Variants in SORT1 observed in about 807,000 individuals in gnomAD.
SORT1 encodes the protein sortilin 1.
A neutral mutation model predicts 101.7 loss-of-function variants in SORT1; 39 were observed. The observed-to-expected ratio is 0.38, with a 90% CI of 0.30 to 0.50. The LOEUF (loss-of-function observed/expected upper bound fraction) is 0.50. Ranked by LOEUF, SORT1 falls within the 20% of genes least tolerant of loss-of-function variation. SORT1 has a pLI of 0.90. For missense variants in SORT1, 878 were observed against 1,040.4 expected, an observed-to-expected ratio of 0.84 and a Z score of 2.15; for synonymous variants, 396 against 393.7, an observed-to-expected ratio of 1.01 and a Z score of -0.07.
In SORT1 at chr1:109,340,762, G is replaced by A. The variant is rs1399248987; in HGVS notation, c.1226C>T (p.Ser409Phe). 1 of 1,614,026 alleles carries A rather than the reference G, an allele frequency of 6.2e-7. No homozygotes were observed. The highest frequency in any genetic ancestry group is 2.2e-5 in the East Asian group (1 of 44,888). Reference sequence around the variant, plus strand: ...GCTTGTTATGTAGACGCCGCGGAGGGAGGTCACGTTGGTAAAGTCCGTCTC... The same window carrying A: ...GCTTGTTATGTAGACGCCGCGGAGGAAGGTCACGTTGGTAAAGTCCGTCTC... ...GGETDFTNVTSLRGVYITSVL... is the reference protein window; with the variant it reads ...GGETDFTNVTFLRGVYITSVL... The change falls in exon 10 of 20, where the codon TCC becomes TTC. Residue 409 changes from serine (S) to phenylalanine (F), a missense_variant. This residue lies in a region of SORT1 where 684 missense variants were observed against 894.5 expected (regional missense o/e 0.76). Transcript: ENST00000256637.
At chr1:109,366,079 G>A (rs1651070191) in intron 3 of SORT1, among the ~76,000 whole-genome samples, 1 of 152,320 alleles carries the variant, frequency 6.6e-6, no homozygotes, top group East Asian at 1.9e-4. Context: ...AGGGGAAAAT[G>A]AGACAGACAT....
At chr1:109,322,192 C>A (rs2101539582) in intron 15 of SORT1, among the ~76,000 whole-genome samples, 1 of 152,200 alleles carries the variant, frequency 6.6e-6, no homozygotes, top group Non-Finnish European at 1.5e-5. Context: ...CCCGCCTCGG[C>A]CTCCCAAAGT....
intron 3 of SORT1, among the ~76,000 whole-genome samples, chr1:109,361,199 T>C (rs77664900): frequency 1.5e-3 from 222 of 152,372 alleles, no homozygotes; most frequent in African/African-American, 5.0e-3. Flanking sequence ...GGAACCAAGC[T>C]GCAACTTCAA....
intron 11 of SORT1, among the ~76,000 whole-genome samples, chr1:109,327,930 G>T (rs1008953707): frequency 1.3e-5 from 2 of 152,058 alleles, no homozygotes; most frequent in African/African-American, 4.8e-5. Context: ...CTTTGTGTTG[G>T]CTACTCTAGG....
intron 1 of SORT1, among the ~76,000 whole-genome samples, chr1:109,372,873 T>C (rs542430354): frequency 1.1e-3 from 156 of 144,270 alleles, no homozygotes; most frequent in African/African-American, 3.9e-3. Context: ...CACTCCAGCC[T>C]GGGCGACAGA....
At chr1:109,345,504 G>T (rs1490476688) in intron 8 of SORT1, among the ~76,000 whole-genome samples, 1 of 150,580 alleles carries the variant, frequency 6.6e-6, no homozygotes, top group African/African-American at 2.4e-5. Context: ...AACAGAGAGA[G>T]ACTTTGTTTC....
At chr1:109,377,850 A>C (rs1651961986) in intron 1 of SORT1, among the ~76,000 whole-genome samples, 1 of 152,214 alleles carries the variant, frequency 6.6e-6, no homozygotes, top group Non-Finnish European at 1.5e-5. Context: ...AAAATTTTCA[A>C]AGAACACCAC....
intron 1 of SORT1, among the ~76,000 whole-genome samples, chr1:109,380,180 C>T (rs1312757095): frequency 2.0e-5 from 3 of 151,982 alleles, no homozygotes; most frequent in Non-Finnish European, 2.9e-5. Flanking sequence ...GTGGTCCCAG[C>T]GACTCAGGAG....
At chr1:109,342,254 A>C (rs561885746) in intron 8 of SORT1, 96 bp from the exon 9 acceptor site, 5 of 901,174 alleles carry the variant, frequency 5.5e-6, no homozygotes, top group Non-Finnish European at 8.6e-6. Context: ...ACTATTATCC[A>C]TTTCTCTACT....
intron 1 of SORT1, among the ~76,000 whole-genome samples, chr1:109,379,983 A>G (rs1232709195): frequency 6.6e-6 from 1 of 152,216 alleles, no homozygotes; most frequent in East Asian, 1.9e-4. Flanking sequence ...AATTATAAAA[A>G]TACTAGAAAT....
rs778216118 is a variant in SORT1, at chr1:109,327,534, G to GA, written c.1438dup (p.Ser480PhefsTer14). ...GACAATGCCTACGGCATTCGGCTCT[G>GA]AGAGTGGGGCCATTGGAACATTCAG... On this transcript the variant is annotated frameshift_variant, in exon 12 of 20. Transcript: ENST00000256637. LOFTEE classifies it high-confidence loss of function. 1 of 1,611,928 alleles carries GA rather than the reference G, an allele frequency of 6.2e-7. No individual in the cohort carries two copies. Among genetic ancestry groups the GA allele is most frequent in the South Asian group, 1.1e-5 (1 of 90,762 alleles).
At position 109,314,728 on chromosome 1, in the gene SORT1, C is replaced by G. The variant is rs755208822; in HGVS notation, c.2301G>C (p.Met767Ile). The G allele has an allele frequency of 6.2e-7, 1 of 1,612,126 alleles. No individual in the cohort carries two copies. Among genetic ancestry groups the G allele is most frequent in the South Asian group, 1.1e-5 (1 of 91,034 alleles). The part of the protein sequence containing the change: ...VPIILAIVGL[M>I]LVTVVAGVLI... ...GCACTCCTGCTACGACTGTGACCAG[C>G]ATCAATCCCACGATGGCCAGGATAA... The change falls in exon 18 of 20, where the codon ATG becomes ATC. Residue 767 changes from methionine (M) to isoleucine (I), a missense_variant. Physicochemically the swap from Met to Ile is conservative, Grantham distance 10 (BLOSUM62 1). Coordinates refer to ENST00000256637, the MANE Select transcript of SORT1 (RefSeq NM_002959.7).
chr1:109,323,583 C>T lies in SORT1; in HGVS notation c.1835-462G>A, dbSNP rs113585207. Reference sequence around the variant, plus strand: ...TTCAATTTCACCATGTGTTCATTGGCTTAAGGAAGAAGGGAAAACATCCTT... The same window carrying T: ...TTCAATTTCACCATGTGTTCATTGGTTTAAGGAAGAAGGGAAAACATCCTT... On this transcript the variant is annotated intron_variant, in intron 14 of 19. Transcript: ENST00000256637. 4.4e-3 allele frequency among the ~76,000 whole-genome samples: 667 copies of T among 152,340 alleles called. 4 individuals are homozygous for T. The highest frequency in any genetic ancestry group is 5.8e-3 in the Non-Finnish European group (396 of 68,024).
At position 109,397,696 on chromosome 1, in the gene SORT1, C is replaced by A; in HGVS notation, c.197G>T (p.Gly66Val). The change falls in exon 1 of 20, where the codon GGG (glycine) becomes GTG (valine). Residue 66 changes from glycine to valine, a missense_variant. Physicochemically the swap from Gly to Val is moderately radical, Grantham distance 109. Coordinates refer to ENST00000256637, the MANE Select transcript of SORT1 (RefSeq NM_002959.7). ...VSWGLRAAAA[G>V]GAFPRGGRWR... Reference sequence around the variant, plus strand: ...ACGGCCGCCGCGGGGAAACGCGCCCCCGGCTGCGGCCGCCCGCAGCCCCCA... The same window carrying A: ...ACGGCCGCCGCGGGGAAACGCGCCCACGGCTGCGGCCGCCCGCAGCCCCCA... 1.7e-6 allele frequency: 2 copies of A among 1,190,090 alleles called. No individual in the cohort carries two copies. The highest frequency in any genetic ancestry group is 4.4e-5 in the East Asian group (1 of 22,480). The allele number at this position is 1,190,090 out of a possible 1,614,324, so 73.7% of individuals were successfully genotyped here.
intron 1 of SORT1, among the ~76,000 whole-genome samples, chr1:109,393,572 C>T (rs1436424866): frequency 2.6e-5 from 4 of 152,092 alleles, no homozygotes; most frequent in African/African-American, 7.2e-5. Context: ...CTCAATTTCA[C>T]GCATGTACAA....
At chr1:109,377,586 T>C (rs944782736) in intron 1 of SORT1, among the ~76,000 whole-genome samples, 1 of 152,236 alleles carries the variant, frequency 6.6e-6, no homozygotes, top group African/African-American at 2.4e-5. Context: ...TCTTTCCCAT[T>C]GTAGTTACCA....
At chr1:109,385,885 T>C (rs1652540281) in intron 1 of SORT1, among the ~76,000 whole-genome samples, 1 of 152,252 alleles carries the variant, frequency 6.6e-6, no homozygotes, top group African/African-American at 2.4e-5. Flanking sequence ...TTTATAATTA[T>C]ATATCATTTA....
chr1:109,384,344 T>C (rs1456493847), intron 1 of SORT1, among the ~76,000 whole-genome samples: 1 of 152,222 alleles, frequency 6.6e-6, no homozygotes, highest in Non-Finnish European at 1.5e-5. Context: ...ATATTAGAAA[T>C]CTGCTTTCTC....
chr1:109,321,330 TG>T (rs1387057436), intron 15 of SORT1, among the ~76,000 whole-genome samples: 1 of 151,844 alleles, frequency 6.6e-6, no homozygotes, highest in Non-Finnish European at 1.5e-5. Flanking sequence ...TCGCCAGACT[TG>T]GGGGTGAAGC....
Sources: gnomAD v4.1 joint callset for allele counts (sites outside exome capture counted in the v4.1 genomes callset) on GRCh38, gnomAD v4.1.1 for gene constraint, gnomAD v4.1.1 regional missense constraint, MANE v1.5 for transcripts, NCBI Gene and HGNC (gene_info 2026-07-23, HGNC 2026-07-21) for gene names.